IGF1R: variants seen among roughly 807,000 people sequenced by gnomAD.
The protein encoded by IGF1R is insulin-like growth factor 1 receptor.
IGF1R carries 44 observed loss-of-function variants against 144.6 expected under a neutral mutation model. The observed-to-expected ratio is 0.30, with a 90% CI of 0.24 to 0.39. The LOEUF is 0.39. Ranked by LOEUF, IGF1R falls within the 10% of genes least tolerant of loss-of-function variation. The pLI is 1.00. For missense variants in IGF1R, 1,355 were observed against 1,833.7 expected (o/e 0.74, Z 4.77); for synonymous variants, 795 against 722.8 (o/e 1.10, Z -1.60).
At chr15:98,771,550 C>T (rs1010423601) in intron 2 of IGF1R, among the ~76,000 whole-genome samples, 3 of 152,108 alleles carry the variant, frequency 2.0e-5, no homozygotes, top group East Asian at 1.9e-4. Context: ...ACCCAGTAAA[C>T]GGTGATGTCG....
At chr15:98,919,491 T>G (rs1415391978) in intron 10 of IGF1R, among the ~76,000 whole-genome samples, 1 of 152,188 alleles carries the variant, frequency 6.6e-6, no homozygotes, top group African/African-American at 2.4e-5. Flanking sequence ...AAGACCTGTT[T>G]TTTTCTCATC....
chr15:98,661,778 G>A (rs552699873), intron 1 of IGF1R, among the ~76,000 whole-genome samples: 47 of 152,114 alleles, frequency 3.1e-4, no homozygotes, highest in Admixed American at 1.3e-3. Context: ...ATGAGAATTA[G>A]CAATAGATAA....
intron 2 of IGF1R, among the ~76,000 whole-genome samples, chr15:98,767,835 G>C (rs1341893215): frequency 6.6e-6 from 1 of 152,232 alleles, no homozygotes; most frequent in South Asian, 2.1e-4. Context: ...GAAGAGGTGG[G>C]GAACACTGTG....
At chr15:98,703,405 C>T (rs960006504) in intron 1 of IGF1R, among the ~76,000 whole-genome samples, 4 of 152,192 alleles carry the variant, frequency 2.6e-5, no homozygotes, top group South Asian at 2.1e-4. Context: ...TTGTGGCTTG[C>T]GCCTCCTGAA....
intron 14 of IGF1R, 39 bp from the exon 15 acceptor site, chr15:98,930,196 G>GGT (rs765431304): frequency 1.4e-5 from 19 of 1,369,728 alleles, no homozygotes; most frequent in Non-Finnish European, 1.9e-5. Context: ...AATGTATGGA[G>GGT]GTGGGGTTTT....
At chr15:98,701,895 T>A (rs1479282073) in intron 1 of IGF1R, among the ~76,000 whole-genome samples, 1 of 152,190 alleles carries the variant, frequency 6.6e-6, no homozygotes, top group Non-Finnish European at 1.5e-5. Context: ...AGCACTTACC[T>A]GATTCTTATG....
At chr15:98,716,832 C>T (rs983443261) in intron 2 of IGF1R, among the ~76,000 whole-genome samples, 3 of 152,090 alleles carry the variant, frequency 2.0e-5, no homozygotes, top group South Asian at 4.1e-4. Flanking sequence ...ACTTCTTCTG[C>T]GGGGTCAGCT....
intron 1 of IGF1R, among the ~76,000 whole-genome samples, chr15:98,652,264 T>C (rs750869379): frequency 1.3e-5 from 2 of 152,230 alleles, no homozygotes; most frequent in Non-Finnish European, 2.9e-5. Context: ...GGCTATTTTG[T>C]TTTTAAAAAG....
intron 1 of IGF1R, among the ~76,000 whole-genome samples, chr15:98,667,494 C>T (rs1330152486): frequency 6.6e-6 from 1 of 152,204 alleles, no homozygotes; most frequent in East Asian, 1.9e-4. Context: ...TGGAGGGACG[C>T]GCTGCTAGAG....
chr15:98,904,024 C>T (rs974536605), intron 5 of IGF1R, among the ~76,000 whole-genome samples: 2 of 149,190 alleles, frequency 1.3e-5, no homozygotes, highest in African/African-American at 2.5e-5. Context: ...TGTAAATTTA[C>T]GGAAGCTCAT....
At chr15:98,751,548 A>G (rs189476074) in intron 2 of IGF1R, among the ~76,000 whole-genome samples, 6 of 152,086 alleles carry the variant, frequency 3.9e-5, no homozygotes, top group Admixed American at 3.3e-4. Context: ...AAGTTTCCCC[A>G]TTGTTGGGCA....
At chr15:98,753,617 T>G (rs1373542475) in intron 2 of IGF1R, among the ~76,000 whole-genome samples, 3 of 151,972 alleles carry the variant, frequency 2.0e-5, no homozygotes, top group Admixed American at 6.6e-5. Flanking sequence ...TTTATAAAGT[T>G]AATTGGATTT....
At chr15:98,903,273 C>G (rs1467347448) in intron 5 of IGF1R, among the ~76,000 whole-genome samples, 1 of 152,188 alleles carries the variant, frequency 6.6e-6, no homozygotes, top group Non-Finnish European at 1.5e-5. Context: ...GTTAAAGTTT[C>G]ACATTATTTG....
intron 2 of IGF1R, among the ~76,000 whole-genome samples, chr15:98,878,045 G>A (rs2013151279): frequency 1.3e-5 from 2 of 152,212 alleles, no homozygotes; most frequent in Admixed American, 1.3e-4. Context: ...CAGCTGTGTG[G>A]CATTGAGCGT....
chr15:98,898,642 A>G (rs2014322202), intron 4 of IGF1R, among the ~76,000 whole-genome samples: 1 of 152,272 alleles, frequency 6.6e-6, no homozygotes, highest in South Asian at 2.1e-4. Flanking sequence ...CTCAAAGCAA[A>G]ATAGAGCATT....
chr15:98,938,934 G>GA (rs1438617968), intron 17 of IGF1R, among the ~76,000 whole-genome samples: 1 of 152,166 alleles, frequency 6.6e-6, no homozygotes, highest in Non-Finnish European at 1.5e-5. Flanking sequence ...ACCCAAAATA[G>GA]AAAATGTTGG....
intron 2 of IGF1R, among the ~76,000 whole-genome samples, chr15:98,755,094 G>A (rs1035636076): frequency 2.6e-5 from 4 of 152,144 alleles, no homozygotes; most frequent in Non-Finnish European, 5.9e-5. Context: ...GTGTGTCCTC[G>A]TTAATCTTCT....
At chr15:98,900,285 C>A (rs2014416178) in intron 5 of IGF1R, among the ~76,000 whole-genome samples, 1 of 152,216 alleles carries the variant, frequency 6.6e-6, no homozygotes, top group Non-Finnish European at 1.5e-5. Context: ...CTGTGTGTAC[C>A]TTTGCATATG....
chr15:98,721,959 G>T (rs1273333053), intron 2 of IGF1R, among the ~76,000 whole-genome samples: 1 of 152,184 alleles, frequency 6.6e-6, no homozygotes, highest in Non-Finnish European at 1.5e-5. Context: ...AACACATTGT[G>T]TACATATCAC....
Sources: allele counts gnomAD v4.1 joint callset (sites outside exome capture counted in the v4.1 genomes callset), GRCh38; gene constraint gnomAD v4.1.1; transcripts MANE v1.5; gene names NCBI Gene and HGNC (gene_info 2026-07-23, HGNC 2026-07-21).